Variants in VILL observed in about 807,000 individuals in gnomAD.
The protein encoded by VILL is villin-like protein.
In VILL, 102 loss-of-function variants were observed where a neutral mutation model predicts 106.3. The observed-to-expected ratio is 0.96, with a 90% CI of 0.82 to 1.13. The LOEUF is 1.13. VILL is among the 50% of genes most tolerant of loss of function. The pLI is 0.00. For missense variants in VILL, 1,076 were observed against 1,116.6 expected (o/e 0.96, Z 0.52); for synonymous variants, 431 against 440.3 (o/e 0.98, Z 0.27).
Position 37,993,939 on chromosome 3 carries a change from C to CT in VILL, c.108dup (p.Glu37Ter). On this transcript the variant is annotated frameshift_variant, in exon 3 of 20. Transcript: ENST00000383759. LOFTEE classifies it high-confidence loss of function. Reference sequence around the variant, plus strand: ...CGGTACCCGAGGGGGCTTACGGGAACTTTTTTGAGGAACACTGCTATGTCA... The same window carrying CT: ...CGGTACCCGAGGGGGCTTACGGGAACTTTTTTTGAGGAACACTGCTATGTCA... The CT allele has an allele frequency of 6.2e-7, 1 of 1,614,184 alleles. No individual in the cohort carries two copies. Among genetic ancestry groups the CT allele is most frequent in the Non-Finnish European group, 8.5e-7 (1 of 1,180,032 alleles).
At chr3:38,002,198 G>T in intron 13 of VILL, 198 bp from the exon 14 acceptor site, 1 of 638,158 alleles carries the variant, frequency 1.6e-6, no homozygotes, top group Non-Finnish European at 2.7e-6. Flanking sequence ...ATTTAAAAAG[G>T]GTCTGTCCCT....
intron 11 of VILL, 88 bp from the exon 12 acceptor site, chr3:38,001,368 C>T: frequency 6.4e-7 from 1 of 1,569,240 alleles, no homozygotes; most frequent in Non-Finnish European, 8.7e-7. Flanking sequence ...GCCTCAGAGG[C>T]TGGGGAGAGC....
In VILL at chr3:37,993,949, GA is replaced by G; in HGVS notation, c.114del (p.Glu38AspfsTer83). Reference protein sequence around the residue: ...PEGAYGNFFEEHCYVILHVPQ... With the variant: ...PEGAYGNFFEXHCYVILHVPQ... ...GGGGGCTTACGGGAACTTTTTTGAG[GA>G]ACACTGCTATGTCATCCTCCACGTG... is the stretch of plus-strand genomic sequence containing the variant. On this transcript the variant is annotated frameshift_variant, in exon 3 of 20. Transcript: ENST00000383759. LOFTEE classifies it high-confidence loss of function. The G allele has an allele frequency of 6.2e-7, 1 of 1,614,154 alleles. No homozygotes were observed. Among genetic ancestry groups the G allele is most frequent in the Non-Finnish European group, 8.5e-7 (1 of 1,180,010 alleles).
chr3:37,994,039 A>G (rs2125529126), intron 3 of VILL, 67 bp downstream of exon 3: 4 of 1,581,864 alleles, frequency 2.5e-6, no homozygotes, highest in Admixed American at 1.7e-5. Context: ...ACTGAGGCAC[A>G]GGCATAAACT....
chr3:38,004,598 C>T (rs1295316595), intron 16 of VILL, among the ~76,000 whole-genome samples, 199 bp downstream of exon 16: 15 of 152,020 alleles, frequency 9.9e-5, no homozygotes, highest in East Asian at 1.9e-4. Context: ...AGTGAGACTC[C>T]GGGAGATTAG....
chr3:38,002,640 C>T (rs1699840722), intron 14 of VILL, 65 bp downstream of exon 14: 2 of 1,554,700 alleles, frequency 1.3e-6, no homozygotes, highest in South Asian at 2.4e-5. Flanking sequence ...GGGGTGGGTC[C>T]TCTCCACAGG....
chr3:37,993,831 A>G, intron 2 of VILL, 67 bp from the exon 3 acceptor site: 1 of 1,607,222 alleles, frequency 6.2e-7, no homozygotes, highest in Non-Finnish European at 8.5e-7. Flanking sequence ...GTCCTCTTCC[A>G]CCCCACCCCA....
intron 16 of VILL, among the ~76,000 whole-genome samples, chr3:38,005,494 C>A (rs1267753960): frequency 1.3e-5 from 2 of 152,146 alleles, no homozygotes; most frequent in Non-Finnish European, 2.9e-5. Context: ...AAAGCCTAGA[C>A]CAATGCCCGG....
chr3:37,990,341 T>G (rs529892532), upstream of VILL, among the ~76,000 whole-genome samples: 3 of 152,156 alleles, frequency 2.0e-5, no homozygotes, highest in Non-Finnish European at 4.4e-5. This position sits in a 1 kb window ranked among gnomAD's most constrained non-coding sequence, Gnocchi z 5.1. Flanking sequence ...CCTCCTGAAG[T>G]GAGCTGGGTC....
chr3:37,995,918 T>C, intron 5 of VILL, 71 bp downstream of exon 5: 2 of 1,308,032 alleles, frequency 1.5e-6, no homozygotes, highest in Admixed American at 3.5e-5. Flanking sequence ...TATAAGGAGG[T>C]TGGAAATTGG....
Position 37,994,249 on chromosome 3 carries a change from C to T in VILL, c.136-12C>T. 1 of 1,598,746 alleles carries T rather than the reference C, an allele frequency of 6.3e-7. No homozygotes were observed. Among genetic ancestry groups the T allele is most frequent in the African/African-American group, 1.3e-5 (1 of 74,982 alleles). ...TCCCCGCAACACATATACACAAACA[C>T]CCGGACCCTAGGTCCCCCAGAGCCC... On this transcript the variant is annotated splice_polypyrimidine_tract_variant and intron_variant, in intron 3 of 19. Transcript: ENST00000383759.
intron 15 of VILL, 153 bp from the exon 16 acceptor site, chr3:38,004,102 C>G (rs943427291): frequency 1.0e-6 from 1 of 967,798 alleles, no homozygotes; most frequent in Admixed American, 2.8e-5. Context: ...CAGAGCAGAG[C>G]GGAGTGCTCG....
rs1228061769 is a variant in VILL at position 37,999,023 on chromosome 3, C to T, written c.1054C>T (p.Arg352Cys). ...CTTCCGGACTTGGTCTGAGAAGCGG[C>T]GCAGGAACCAGAAGCTCGGCGGGAG... ...QLFRTWSEKRRRNQKLGGRDK... is the reference protein window; with the variant it reads ...QLFRTWSEKRCRNQKLGGRDK... The change falls in exon 10 of 20, where the codon CGC becomes TGC. Residue 352 changes from arginine to cysteine, a missense_variant. Transcript: ENST00000383759. 4 of 1,587,420 alleles carry T rather than the reference C, an allele frequency of 2.5e-6. No homozygotes were observed. Among genetic ancestry groups the T allele is most frequent in the Non-Finnish European group, 2.6e-6 (3 of 1,165,830 alleles).
intron 1 of VILL, among the ~76,000 whole-genome samples, chr3:37,992,614 A>T (rs1415641380): frequency 6.6e-6 from 1 of 152,126 alleles, no homozygotes; most frequent in Admixed American, 6.5e-5. Flanking sequence ...GGTGAGGGAG[A>T]CCATAGCCAA....
At position 37,997,440 on chromosome 3, in the gene VILL, G is replaced by T; in HGVS notation, c.562-43G>T. 1.3e-6 allele frequency: 2 copies of T among 1,599,778 alleles called. No individual in the cohort carries two copies. The highest frequency in any genetic ancestry group is 1.1e-5 in the South Asian group (1 of 90,478). On this transcript the variant is annotated intron_variant, in intron 6 of 19. Transcript: ENST00000383759. The surrounding 1 kb of genome is among the most constrained non-coding windows in gnomAD (Gnocchi z 4.7). The stretch of plus-strand genomic sequence containing the variant: ...GACAGGAGAAGTCTCTGCTGTGAGA[G>T]GGCACACTGGTGACACCCTGACTCC...
rs541803688 is a variant in VILL at position 38,000,567 on chromosome 3, G to A, written c.1183-889G>A. ...GAAAGCAGAAGGAAAGGCGAGGGAC[G>A]GAGGGAAAGAGAGCCCTGGGACTCA... On this transcript the variant is annotated intron_variant, in intron 11 of 19. Coordinates refer to ENST00000383759, the MANE Select transcript of VILL (RefSeq NM_015873.4). Among the ~76,000 whole-genome samples, 7 of 152,270 alleles carry A rather than the reference G, an allele frequency of 4.6e-5. 1 individual carries two copies. The South Asian group carries it at 1.2e-3, about 27-fold the overall frequency.
At position 38,002,437 on chromosome 3, in the gene VILL, C is replaced by T; in HGVS notation, c.1521C>T (p.Thr507=). The T allele has an allele frequency of 6.2e-7, 1 of 1,613,960 alleles. No homozygotes were observed. The highest frequency in any genetic ancestry group is 8.5e-7 in the Non-Finnish European group (1 of 1,179,906). ...ATGGAAAGGGGCAGTCAGCATCCAC[C>T]ACAAGGCTTTTCCAAGTGCAAGGCA... The part of the protein sequence containing the change: ...GHHGKGQSAS[T]TRLFQVQGTD... Residue 507 remains threonine (T), a synonymous_variant, in exon 14 of 20, where the codon ACC becomes ACT. Coordinates refer to ENST00000383759, the MANE Select transcript of VILL (RefSeq NM_015873.4).
At chr3:38,002,626 G>A in intron 14 of VILL, 51 bp downstream of exon 14, 1 of 1,576,046 alleles carries the variant, frequency 6.3e-7, no homozygotes. Context: ...GTGGTGCCAG[G>A]CTGGGGGTGG....
In VILL at chr3:37,999,040, C is replaced by CGGCGGGAGGGGTGAGCG. The variant is rs1171412693; in HGVS notation, c.1078_1081+13dup. 3.1e-6 allele frequency: 4 copies of CGGCGGGAGGGGTGAGCG among 1,307,910 alleles called. No individual in the cohort carries two copies. The African/African-American group carries it at 7.0e-5, about 23-fold the overall frequency. The allele number at this position is 1,307,910 out of a possible 1,614,324, so 81.0% of individuals were successfully genotyped here. A position where few individuals can be genotyped will look rare whatever the true frequency, so the allele number is the denominator to read the frequency against. ...AGAAGCGGCGCAGGAACCAGAAGCT[C>CGGCGGGAGGGGTGAGCG]GGCGGGAGGGGTGAGCGGGCGGGGC... On this transcript the variant is annotated frameshift_variant, in exon 10 of 20. Coordinates refer to ENST00000383759, the MANE Select transcript of VILL (RefSeq NM_015873.4). LOFTEE classifies it high-confidence loss of function.
Sources: gnomAD v4.1 joint callset for allele counts (sites outside exome capture counted in the v4.1 genomes callset) on GRCh38, gnomAD v4.1.1 for gene constraint, Gnocchi (gnomAD v3.1) non-coding constraint, MANE v1.5 for transcripts, NCBI Gene and HGNC (gene_info 2026-07-23, HGNC 2026-07-21) for gene names.